The following KIAA1217 variants were observed in gnomAD, a reference collection of about 807,000 sequenced individuals.
KIAA1217 encodes the protein KIAA1217, also known as sickle tail protein homolog.
In KIAA1217, 88 loss-of-function variants were observed where a neutral mutation model predicts 163.9. The ratio of observed to expected loss-of-function variants is 0.54; its 90% CI spans 0.45 to 0.64. KIAA1217 has a LOEUF of 0.64. KIAA1217 is among the 30% of genes least tolerant of loss of function. The pLI is 0.00. For synonymous variants in KIAA1217, 903 were observed against 923.1 expected (o/e 0.98, Z 0.39); for missense variants, 2,372 against 2,475.0 (o/e 0.96, Z 0.88).
chr10:24,324,575 C>T (rs1456827516), intron 2 of KIAA1217, among the ~76,000 whole-genome samples: 4 of 152,118 alleles, frequency 2.6e-5, no homozygotes, highest in Non-Finnish European at 4.4e-5. Flanking sequence ...TCAAAACAAA[C>T]AAACAAACAA....
At chr10:24,392,185 T>C (rs989073788) in intron 3 of KIAA1217, among the ~76,000 whole-genome samples, 5 of 151,986 alleles carry the variant, frequency 3.3e-5, no homozygotes, top group African/African-American at 1.2e-4. Flanking sequence ...AAAGAAGAAA[T>C]GTAAGGCATT....
chr10:24,212,445 C>T (rs192068764), intron 1 of KIAA1217, among the ~76,000 whole-genome samples: 1 of 152,220 alleles, frequency 6.6e-6, no homozygotes, highest in East Asian at 1.9e-4. Flanking sequence ...ACTGAGAGAT[C>T]CCCTAAGATT....
rs192737401 is a variant in KIAA1217, at chr10:23,733,448, G to A, written c.-321+38214G>A. ...GGCTGTGAAGATACCAAAATTTGTA[G>A]ATGCTGGAGTCTTTTCTATAAAATG... is the stretch of plus-strand genomic sequence containing the variant. On this transcript the variant is annotated intron_variant, in intron 1 of 18. Transcript: ENST00000376462. 1.6e-3 allele frequency among the ~76,000 whole-genome samples: 245 copies of A among 152,250 alleles called. 1 individual carries two copies. The highest frequency in any genetic ancestry group is 2.3e-3 in the Non-Finnish European group (159 of 68,008).
chr10:23,972,921 C>T (rs533942002), intron 1 of KIAA1217, among the ~76,000 whole-genome samples: 2 of 152,024 alleles, frequency 1.3e-5, no homozygotes, highest in South Asian at 2.1e-4. Context: ...AACACATGGA[C>T]ACAGGGAGTG....
chr10:24,056,269 G>T (rs555052690), intron 2 of KIAA1217, among the ~76,000 whole-genome samples: 5 of 152,136 alleles, frequency 3.3e-5, no homozygotes, highest in Admixed American at 1.3e-4. Flanking sequence ...TGGAGGTCAC[G>T]GTGAGCCAAG....
chr10:23,757,260 C>A (rs1202910791), intron 1 of KIAA1217, among the ~76,000 whole-genome samples: 1 of 152,130 alleles, frequency 6.6e-6, no homozygotes, highest in Non-Finnish European at 1.5e-5. Context: ...CTGGATCACA[C>A]AGTAATTCTA....
At chr10:23,866,682 G>A (rs1202080690) in intron 1 of KIAA1217, among the ~76,000 whole-genome samples, 1 of 151,744 alleles carries the variant, frequency 6.6e-6, no homozygotes, top group Non-Finnish European at 1.5e-5. Context: ...TTGCCCATTT[G>A]TTCACCTGCT....
intron 1 of KIAA1217, among the ~76,000 whole-genome samples, chr10:23,708,764 G>A (rs1249497701): frequency 6.6e-6 from 1 of 152,056 alleles, no homozygotes; most frequent in Non-Finnish European, 1.5e-5. Context: ...TTTAAAGGGG[G>A]ACTAATGCAA....
chr10:24,170,283 T>C (rs1328837306), intron 2 of KIAA1217, among the ~76,000 whole-genome samples: 1 of 152,210 alleles, frequency 6.6e-6, no homozygotes, highest in Non-Finnish European at 1.5e-5. Flanking sequence ...GACTCGCTCC[T>C]GAAAGGAGGA....
chr10:23,790,532 C>CATATGTATATATACATATATACGTAT (rs1554795158), intron 1 of KIAA1217, among the ~76,000 whole-genome samples: 1 of 80,402 alleles, frequency 1.2e-5, no homozygotes, highest in Non-Finnish European at 2.2e-5. Flanking sequence ...TACATATATA[C>CATATGTATATATACATATATACGTAT]ATATACATGT....
chr10:23,752,044 T>C (rs764005963), intron 1 of KIAA1217, among the ~76,000 whole-genome samples: 4 of 152,224 alleles, frequency 2.6e-5, no homozygotes, highest in Admixed American at 6.5e-5. Context: ...TCCACCCTCA[T>C]GTTAGAGGGA....
chr10:23,894,673 G>T (rs575460062), intron 1 of KIAA1217, among the ~76,000 whole-genome samples: 1 of 147,872 alleles, frequency 6.8e-6, no homozygotes, highest in Admixed American at 6.8e-5. Context: ...AAAAGAGCCC[G>T]CATCGCCAAG....
intron 2 of KIAA1217, among the ~76,000 whole-genome samples, chr10:24,263,535 C>T (rs1380682008): frequency 6.6e-6 from 1 of 152,186 alleles, no homozygotes; most frequent in Non-Finnish European, 1.5e-5. Context: ...CCATCTCTGT[C>T]TCATCTTGAC....
intron 2 of KIAA1217, among the ~76,000 whole-genome samples, chr10:24,272,433 C>T (rs2076863099): frequency 6.6e-6 from 1 of 152,244 alleles, no homozygotes; most frequent in African/African-American, 2.4e-5. Context: ...TCATTCAGTT[C>T]TAAAACTTCT....
chr10:24,397,361 T>G (rs1395758571), intron 3 of KIAA1217, among the ~76,000 whole-genome samples: 3 of 152,170 alleles, frequency 2.0e-5, no homozygotes, highest in African/African-American at 7.2e-5. Flanking sequence ...GTGCTGGGAT[T>G]ACAGGCGTGA....
intron 2 of KIAA1217, among the ~76,000 whole-genome samples, chr10:24,172,539 C>T (rs2065681192): frequency 6.6e-6 from 1 of 152,170 alleles, no homozygotes; most frequent in South Asian, 2.1e-4. Context: ...ATTTTCTAAT[C>T]TGCAGAACTG....
intron 1 of KIAA1217, among the ~76,000 whole-genome samples, chr10:23,891,511 C>G (rs1460589617): frequency 1.3e-5 from 2 of 151,928 alleles, no homozygotes; most frequent in Non-Finnish European, 2.9e-5. Context: ...ACCTCATACC[C>G]TGATCTTTGC....
intron 1 of KIAA1217, among the ~76,000 whole-genome samples, chr10:23,762,462 A>T (rs982256849): frequency 2.6e-5 from 4 of 152,250 alleles, no homozygotes; most frequent in Admixed American, 2.0e-4. Flanking sequence ...CTGGTTCAAC[A>T]TACCCAAATC....
At chr10:24,435,703 T>TC (rs2059963603) in intron 4 of KIAA1217, among the ~76,000 whole-genome samples, 1 of 152,052 alleles carries the variant, frequency 6.6e-6, no homozygotes, top group Non-Finnish European at 1.5e-5. Context: ...CGAGAAGTAG[T>TC]CACAAAATAA....
Sources: allele counts gnomAD v4.1 joint callset (sites outside exome capture counted in the v4.1 genomes callset), GRCh38; gene constraint gnomAD v4.1.1; transcripts MANE v1.5; gene names NCBI Gene and HGNC (gene_info 2026-07-23, HGNC 2026-07-21).